Variants in CC2D2A observed in about 807,000 individuals in gnomAD.
CC2D2A encodes the protein coiled-coil and C2 domain containing 2A.
Under a neutral mutation model 212.9 loss-of-function variants are expected in CC2D2A, and 155 were observed. The ratio of observed to expected loss-of-function variants is 0.73; its 90% CI spans 0.64 to 0.83. The LOEUF is 0.83. Among genes scored for constraint, CC2D2A ranks in the 40% least tolerant of loss-of-function variants. The pLI, the probability that CC2D2A is intolerant of heterozygous loss-of-function variation, is 0.00. For synonymous variants in CC2D2A, 667 were observed against 686.5 expected (o/e 0.97, Z 0.44); for missense variants, 1,856 against 1,956.2 (o/e 0.95, Z 0.97).
rs80196850 is a variant in CC2D2A, at chr4:15,496,543, T to C, written c.248-5886T>C. 8.9e-3 allele frequency among the ~76,000 whole-genome samples: 1,358 copies of C among 152,248 alleles called. 7 individuals are homozygous for C. The highest frequency in any genetic ancestry group is 0.017 in the Admixed American group (257 of 15,298). On this transcript the variant is annotated intron_variant, in intron 4 of 36. Transcript: ENST00000424120. The stretch of plus-strand genomic sequence containing the variant: ...TCAGATGGTTGTAGATGTGTGGCTT[T>C]ATTTCTAGGAAGAGAGAAAGTCAAA...
At position 15,502,808 on chromosome 4, in the gene CC2D2A, G is replaced by T; in HGVS notation, c.337-14G>T. ...TGACATCATGTAGCAGTAAATTTCT[G>T]TTTGACTTTTTAGTCCAAAGCAGAA... is the stretch of plus-strand genomic sequence containing the variant. On this transcript the variant is annotated splice_polypyrimidine_tract_variant and intron_variant, in intron 5 of 36. Coordinates refer to ENST00000424120, the MANE Select transcript of CC2D2A (RefSeq NM_001378615.1). 6.3e-7 allele frequency: 1 copy of T among 1,598,728 alleles called. No individual in the cohort carries two copies.
At position 15,555,225 on chromosome 4, in the gene CC2D2A, G is replaced by A; in HGVS notation, c.2625+15G>A. On this transcript the variant is annotated intron_variant, in intron 20 of 36. Coordinates refer to ENST00000424120, the MANE Select transcript of CC2D2A (RefSeq NM_001378615.1). ...AGCTTATCTCGGTATGTAGCAGGAG[G>A]CACACATGCCATTTCTTGACTTGGC... The A allele has an allele frequency of 6.2e-7, 1 of 1,608,868 alleles. No homozygotes were observed. The highest frequency in any genetic ancestry group is 8.5e-7 in the Non-Finnish European group (1 of 1,177,122).
At chr4:15,502,580 C>A in intron 5 of CC2D2A, 63 bp downstream of exon 5, 1 of 1,424,928 alleles carries the variant, frequency 7.0e-7, no homozygotes, top group Non-Finnish European at 9.6e-7. Flanking sequence ...GCTTGTCTAG[C>A]TTACTTTTTA....
chr4:15,563,704 C>A (rs1719730910), intron 24 of CC2D2A, 182 bp downstream of exon 24: 1 of 609,164 alleles, frequency 1.6e-6, no homozygotes, highest in East Asian at 2.8e-5. Context: ...TCAATTCAGG[C>A]TAAAGAGGGG....
intron 4 of CC2D2A, among the ~76,000 whole-genome samples, chr4:15,486,761 C>T (rs888756941): frequency 4.0e-5 from 6 of 151,812 alleles, no homozygotes; most frequent in African/African-American, 1.4e-4. Flanking sequence ...TAAAATCTTT[C>T]TACATTTTTG....
At chr4:15,569,172 C>A (rs2109072424) in intron 26 of CC2D2A, 121 bp from the exon 27 acceptor site, 1 of 629,966 alleles carries the variant, frequency 1.6e-6, no homozygotes, top group East Asian at 2.8e-5. Context: ...GAAATGAAAG[C>A]AATGCTTTTA....
At chr4:15,515,011 A>G (rs1716781294) in intron 9 of CC2D2A, 142 bp downstream of exon 9, 1 of 706,474 alleles carries the variant, frequency 1.4e-6, no homozygotes, top group African/African-American at 1.8e-5. Context: ...CTTCAAACAA[A>G]CAAAAAAAAC....
intron 17 of CC2D2A, among the ~76,000 whole-genome samples, chr4:15,549,194 T>C (rs1718867487): frequency 6.6e-6 from 1 of 152,148 alleles, no homozygotes. Context: ...CTGTGGCATA[T>C]TATTATTCCT....
Position 15,599,667 on chromosome 4 carries a change from C to A in CC2D2A, c.4635C>A (p.Asp1545Glu), listed in dbSNP as rs776642347. The A allele has an allele frequency of 8.7e-6, 14 of 1,613,264 alleles. No individual in the cohort carries two copies. In the South Asian group the frequency reaches 1.1e-4, roughly 13 times the overall value. Reference sequence around the variant, plus strand: ...GTCAAGGAGAAGATGTAGAAGATGACCACAGAGCAGAACTGCTAAAACAGC... The same window carrying A: ...GTCAAGGAGAAGATGTAGAAGATGAACACAGAGCAGAACTGCTAAAACAGC... ...EKSQGEDVEDDHRAELLKQLG... is the reference protein window; with the variant it reads ...EKSQGEDVEDEHRAELLKQLG... Residue 1545 changes from aspartate (D) to glutamate (E), a missense_variant, in exon 36 of 37, where the codon GAC becomes GAA. By Grantham distance (45) the Asp-to-Glu change is conservative. This residue lies in a region of CC2D2A where 285 missense variants were observed against 278.4 expected (regional missense o/e 1.02). Coordinates refer to ENST00000424120, the MANE Select transcript of CC2D2A (RefSeq NM_001378615.1).
intron 16 of CC2D2A, among the ~76,000 whole-genome samples, chr4:15,540,096 C>T (rs1024319859): frequency 6.6e-5 from 10 of 151,970 alleles, no homozygotes; most frequent in African/African-American, 2.4e-4. Flanking sequence ...ATATATTTTC[C>T]ACAATGGAAC....
intron 17 of CC2D2A, among the ~76,000 whole-genome samples, chr4:15,548,760 A>G (rs1033745092): frequency 2.0e-5 from 3 of 152,186 alleles, no homozygotes; most frequent in African/African-American, 7.2e-5. Flanking sequence ...GGCTCTTAAG[A>G]GTGTTGGGTC....
At position 15,596,150 on chromosome 4, in the gene CC2D2A, G is replaced by A; in HGVS notation, c.4380G>A (p.Lys1460=). 1 of 1,549,464 alleles carries A rather than the reference G, an allele frequency of 6.5e-7. No individual in the cohort carries two copies. Among genetic ancestry groups the A allele is most frequent in the African/African-American group, 1.4e-5 (1 of 73,074 alleles). ...TAAATTTTGATGTCACCAGGCCCAA[G>A]CTATGGAAATCTTTCTTTTCAAGAA... is the stretch of plus-strand genomic sequence containing the variant. The part of the protein sequence containing the change: ...LRINFDVTRP[K]LWKSFFSRSL... The change falls in exon 34 of 37, where the codon AAG becomes AAA. Residue 1460 remains lysine, a synonymous_variant. Coordinates refer to ENST00000424120, the MANE Select transcript of CC2D2A (RefSeq NM_001378615.1).
intron 30 of CC2D2A, among the ~76,000 whole-genome samples, chr4:15,583,063 A>C (rs1158678010): frequency 6.6e-6 from 1 of 152,244 alleles, no homozygotes; most frequent in Non-Finnish European, 1.5e-5. Context: ...GTGATATATC[A>C]CATTTACAGA....
intron 26 of CC2D2A, among the ~76,000 whole-genome samples, chr4:15,569,063 C>T (rs1720033313): frequency 6.6e-6 from 1 of 152,182 alleles, no homozygotes; most frequent in Admixed American, 6.5e-5. Flanking sequence ...CTCACCAGGA[C>T]AAGCCAGCAG....
At chr4:15,470,656 T>TCC (rs1713681241) in intron 1 of CC2D2A, among the ~76,000 whole-genome samples, 2 of 69,796 alleles carry the variant, frequency 2.9e-5, no homozygotes, top group African/African-American at 1.6e-4. Flanking sequence ...GAAATCTCTC[T>TCC]CTCTCTCTCT....
chr4:15,534,857 A>AC (rs1274725601), intron 14 of CC2D2A, among the ~76,000 whole-genome samples: 1 of 152,164 alleles, frequency 6.6e-6, no homozygotes, highest in Non-Finnish European at 1.5e-5. Flanking sequence ...CTACCAGAGC[A>AC]CCTGCCACTT....
intron 4 of CC2D2A, among the ~76,000 whole-genome samples, chr4:15,501,565 A>C (rs1260672718): frequency 6.6e-6 from 1 of 152,170 alleles, no homozygotes; most frequent in African/African-American, 2.4e-5. Flanking sequence ...TCTTCATCCC[A>C]GTAGAGACAC....
rs377339900 is a variant in CC2D2A at position 15,567,317 on chromosome 4, T to C, written c.3183-60T>C. Reference sequence around the variant, plus strand: ...TATCTCAATAAATAAATAATTGTCTTCTCAATATATAATTAGACTTCCTCT... The same window carrying C: ...TATCTCAATAAATAAATAATTGTCTCCTCAATATATAATTAGACTTCCTCT... On this transcript the variant is annotated intron_variant, in intron 24 of 36. Transcript: ENST00000424120. 2.3e-5 allele frequency: 29 copies of C among 1,252,342 alleles called. No individual in the cohort carries two copies. In the African/African-American group the frequency reaches 2.7e-4, roughly 12 times the overall value. 77.6% of individuals were successfully genotyped at this position (1,252,342 alleles called of 1,614,324 possible). A position where few individuals can be genotyped will look rare whatever the true frequency, so the allele number is the denominator to read the frequency against.
chr4:15,516,976 G>A lies in CC2D2A; in HGVS notation c.1149+220G>A, dbSNP rs558281653. Among the ~76,000 whole-genome samples, 5 of 111,298 alleles carry A rather than the reference G, an allele frequency of 4.5e-5. No homozygotes were observed. In the East Asian group the frequency reaches 1.2e-3, roughly 26 times the overall value. The allele number at this position is 111,298 out of a possible 152,430, so 73.0% of individuals were successfully genotyped here. A position where few individuals can be genotyped will look rare whatever the true frequency, so the allele number is the denominator to read the frequency against. ...TTTTTTTTTTTTTTTTTGAGACGGA[G>A]TCTCGCTGTCGCCCAGGTTGGAGTG... On this transcript the variant is annotated intron_variant, in intron 11 of 36. Transcript: ENST00000424120.
Sources: allele counts gnomAD v4.1 joint callset (sites outside exome capture counted in the v4.1 genomes callset), GRCh38; gene constraint gnomAD v4.1.1; regional missense constraint gnomAD v4.1.1; transcripts MANE v1.5; gene names NCBI Gene and HGNC (gene_info 2026-07-23, HGNC 2026-07-21).